Variants in TMEM150C observed in about 807,000 individuals in gnomAD.
TMEM150C encodes the protein tentonin 3.
TMEM150C carries 10 observed loss-of-function variants against 29.9 expected under a neutral mutation model. That is an observed-to-expected ratio of 0.33 (90% CI 0.21 to 0.57). The LOEUF (loss-of-function observed/expected upper bound fraction) is 0.57, where lower values mean the gene tolerates loss of function less well. Ranked by LOEUF, TMEM150C falls within the 20% of genes least tolerant of loss-of-function variation. The pLI is 0.88. For missense variants in TMEM150C, 251 were observed against 303.6 expected (o/e 0.83, Z 1.29); for synonymous variants, 101 against 112.5 (o/e 0.90, Z 0.64).
intron 1 of TMEM150C, among the ~76,000 whole-genome samples, chr4:82,545,684 C>G (rs893157738): frequency 4.6e-5 from 7 of 152,334 alleles, no homozygotes; most frequent in African/African-American, 1.7e-4. Context: ...AATCCCAGCA[C>G]TTTGGGAGGC....
At chr4:82,547,848 C>A (rs531842521) in intron 1 of TMEM150C, among the ~76,000 whole-genome samples, 1 of 152,284 alleles carries the variant, frequency 6.6e-6, no homozygotes, top group East Asian at 1.9e-4. Context: ...AGTCCTCTTA[C>A]TGGATATATA....
Position 82,502,716 on chromosome 4 carries a change from C to T in TMEM150C, c.235+11G>A, listed in dbSNP as rs749463609. 1.9e-6 allele frequency: 3 copies of T among 1,604,488 alleles called. No individual in the cohort carries two copies. The highest frequency in any genetic ancestry group is 1.7e-5 in the Admixed American group (1 of 58,816). On this transcript the variant is annotated intron_variant, in intron 5 of 7. Transcript: ENST00000449862. ...CCAAAGCACATAAAGCGTTCTTTAC[C>T]CTCTTCTTACCTAGGAAGGCTGCCA...
intron 1 of TMEM150C, among the ~76,000 whole-genome samples, chr4:82,543,330 T>C (rs1451810814): frequency 6.6e-6 from 1 of 152,194 alleles, no homozygotes; most frequent in Non-Finnish European, 1.5e-5. Flanking sequence ...ACATACAGTT[T>C]AGAGATCCAG....
Position 82,496,177 on chromosome 4 carries a change from A to C in TMEM150C, c.254T>G (p.Leu85Arg), listed in dbSNP as rs1272029839. Residue 85 changes from leucine (L) to arginine (R), a missense_variant, in exon 6 of 8, where the codon CTG (leucine) becomes CGG (arginine). Transcript: ENST00000449862. ...CTTCGGTTTCAGTTGTATGAAGCGC[A>C]GAACAGCTACCACAAGGGCTAGGAA... is the stretch of plus-strand genomic sequence containing the variant. ...AAFLALVVAV[L>R]RFIQLKPKVL... The C allele has an allele frequency of 6.2e-7, 1 of 1,613,886 alleles. No homozygotes were observed. The highest frequency in any genetic ancestry group is 1.3e-5 in the African/African-American group (1 of 74,944).
Position 82,535,828 on chromosome 4 carries a change from ATT to A in TMEM150C, c.-11+26076_-11+26077del, listed in dbSNP as rs1207810605. ...AATAGGGTTTCTCAGCAGAGGCACT[ATT>A]AACATTTTAGCTGAATAATCCCTTG... is the stretch of plus-strand genomic sequence containing the variant. On this transcript the variant is annotated intron_variant, in intron 1 of 7. Coordinates refer to ENST00000449862, the MANE Select transcript of TMEM150C (RefSeq NM_001080506.3). Among the ~76,000 whole-genome samples, 5 of 152,326 alleles carry A rather than the reference ATT, an allele frequency of 3.3e-5. No individual in the cohort carries two copies. The East Asian group carries it at 7.7e-4, about 23-fold the overall frequency.
Position 82,561,925 on chromosome 4 carries a change from C to T in TMEM150C, c.-30G>A. ...GCCTACCTGCTCTGGTGCGGCGGGG[C>T]CGCTGTCGCCTCGAGGGGCTGTGAC... On this transcript the variant is annotated 5_prime_UTR_variant, in exon 1 of 8. Coordinates refer to ENST00000449862, the MANE Select transcript of TMEM150C (RefSeq NM_001080506.3). 9.7e-7 allele frequency: 1 copy of T among 1,033,598 alleles called. No homozygotes were observed. Among genetic ancestry groups the T allele is most frequent in the Non-Finnish European group, 1.2e-6 (1 of 858,420 alleles). The allele number at this position is 1,033,598 out of a possible 1,614,324, so 64.0% of individuals were successfully genotyped here. A position where few individuals can be genotyped will look rare whatever the true frequency, so the allele number is the denominator to read the frequency against.
intron 5 of TMEM150C, 22 bp downstream of exon 5, chr4:82,502,705 G>A (rs1184133901): frequency 1.6e-5 from 25 of 1,597,416 alleles, no homozygotes; most frequent in Non-Finnish European, 2.1e-5. Context: ...AGCACATAAA[G>A]CGTTCTTTAC....
intron 5 of TMEM150C, among the ~76,000 whole-genome samples, chr4:82,501,060 C>A (rs1578126867): frequency 6.6e-6 from 1 of 152,240 alleles, no homozygotes; most frequent in Non-Finnish European, 1.5e-5. Flanking sequence ...CCTGACCCTA[C>A]CATTCAAGGT....
chr4:82,530,110 A>G (rs935938027), intron 1 of TMEM150C, among the ~76,000 whole-genome samples: 1 of 150,944 alleles, frequency 6.6e-6, no homozygotes, highest in African/African-American at 2.4e-5. Context: ...CTCTCTAGAG[A>G]GAGAGAGTGA....
At chr4:82,494,954 T>C in intron 6 of TMEM150C, 1 of 612,070 alleles carries the variant, frequency 1.6e-6, no homozygotes, top group Non-Finnish European at 3.0e-6. Context: ...TGGCCGAAAG[T>C]TTAGCATATT....
At chr4:82,557,991 G>T (rs560222243) in intron 1 of TMEM150C, among the ~76,000 whole-genome samples, 1 of 151,870 alleles carries the variant, frequency 6.6e-6, no homozygotes, top group Non-Finnish European at 1.5e-5. Flanking sequence ...TCAGCCTCCC[G>T]AAGTGCTGGG....
rs923199097 is a variant in TMEM150C, at chr4:82,504,616, A to G, written c.42T>C (p.Leu14=). Residue 14 remains leucine, a synonymous_variant, in exon 2 of 8, where the codon CTT becomes CTC. Transcript: ENST00000449862. ...KKCSVWMFLP[L]VFTLFTSAGL... ...CAGCTGAAGTAAACAAAGTAAATAC[A>G]AGAGGTAGGAACATCCATACGCTGC... 6.2e-7 allele frequency: 1 copy of G among 1,613,716 alleles called. No homozygotes were observed. Among genetic ancestry groups the G allele is most frequent in the African/African-American group, 1.3e-5 (1 of 74,952 alleles).
intron 1 of TMEM150C, among the ~76,000 whole-genome samples, chr4:82,532,164 G>A (rs1724869031): frequency 6.6e-6 from 1 of 152,336 alleles, no homozygotes; most frequent in South Asian, 2.1e-4. Context: ...GCTGAAAAGA[G>A]AGTATGAATA....
intron 1 of TMEM150C, among the ~76,000 whole-genome samples, chr4:82,536,614 T>C (rs1186196702): frequency 6.6e-6 from 1 of 151,758 alleles, no homozygotes; most frequent in Non-Finnish European, 1.5e-5. Flanking sequence ...TGATGGTGCA[T>C]GCCTGTAGTC....
chr4:82,487,219 A>T (rs921906788), intron 7 of TMEM150C, among the ~76,000 whole-genome samples: 1 of 151,910 alleles, frequency 6.6e-6, no homozygotes, highest in South Asian at 2.1e-4. Flanking sequence ...GAGGCCGAGG[A>T]GTGTGTATCA....
chr4:82,519,426 CTTTCT>C (rs1189940682), intron 1 of TMEM150C, among the ~76,000 whole-genome samples: 1 of 151,528 alleles, frequency 6.6e-6, no homozygotes, highest in Non-Finnish European at 1.5e-5. Context: ...TTCTTTCTTT[CTTTCT>C]TTCTTTTTTT....
chr4:82,489,123 A>G (rs1206056195), intron 7 of TMEM150C, among the ~76,000 whole-genome samples: 1 of 128,826 alleles, frequency 7.8e-6, no homozygotes, highest in Non-Finnish European at 1.5e-5. Context: ...GTGGATCTTG[A>G]GCTCCTGACT....
chr4:82,518,175 G>T (rs887109545), intron 1 of TMEM150C, among the ~76,000 whole-genome samples: 1 of 152,098 alleles, frequency 6.6e-6, no homozygotes, highest in Non-Finnish European at 1.5e-5. Flanking sequence ...AATTAGGCAG[G>T]CATATTGGTA....
intron 1 of TMEM150C, among the ~76,000 whole-genome samples, chr4:82,556,391 G>A (rs1725738359): frequency 6.6e-6 from 1 of 152,248 alleles, no homozygotes; most frequent in Admixed American, 6.5e-5. Flanking sequence ...AGGATGCACA[G>A]TGACCACTTC....
Sources: gnomAD v4.1 joint callset for allele counts (sites outside exome capture counted in the v4.1 genomes callset) on GRCh38, gnomAD v4.1.1 for gene constraint, MANE v1.5 for transcripts, NCBI Gene and HGNC (gene_info 2026-07-23, HGNC 2026-07-21) for gene names.